Variants in EPHA6 observed in about 807,000 individuals in gnomAD.
EPHA6 encodes EPH receptor A6.
A neutral mutation model predicts 112.0 loss-of-function variants in EPHA6; 50 were observed. That is an observed-to-expected ratio of 0.45 (90% confidence interval 0.36 to 0.56). The LOEUF is 0.56. Ranked by LOEUF, EPHA6 falls within the 20% of genes least tolerant of loss-of-function variation. EPHA6 has a pLI of 0.00. For missense variants in EPHA6, 1,280 were observed against 1,417.4 expected (o/e 0.90, Z 1.56); for synonymous variants, 529 against 490.7 (o/e 1.08, Z -1.03).
At chr3:97,685,610 A>C (rs1442214701) in intron 14 of EPHA6, among the ~76,000 whole-genome samples, 4 of 152,152 alleles carry the variant, frequency 2.6e-5, no homozygotes, top group Non-Finnish European at 4.4e-5. Context: ...GACAAATAGC[A>C]CACTGACTCT....
chr3:97,662,029 C>A (rs1344153361), intron 14 of EPHA6, among the ~76,000 whole-genome samples: 1 of 152,044 alleles, frequency 6.6e-6, no homozygotes, highest in Non-Finnish European at 1.5e-5. Flanking sequence ...TGATTTTGGC[C>A]ACCAACTATC....
intron 5 of EPHA6, among the ~76,000 whole-genome samples, chr3:97,401,159 T>C (rs1013663369): frequency 6.6e-6 from 1 of 151,804 alleles, no homozygotes; most frequent in African/African-American, 2.4e-5. Flanking sequence ...TGCTTTTTTT[T>C]GCATCTGTTG....
intron 10 of EPHA6, among the ~76,000 whole-genome samples, chr3:97,512,894 A>G (rs1177969462): frequency 6.6e-6 from 1 of 152,036 alleles, no homozygotes; most frequent in African/African-American, 2.4e-5. Context: ...TTCCTGACTA[A>G]ATTCCAAAAT....
intron 5 of EPHA6, among the ~76,000 whole-genome samples, chr3:97,398,706 C>G (rs938953041): frequency 6.6e-6 from 1 of 151,404 alleles, no homozygotes; most frequent in African/African-American, 2.4e-5. Context: ...CAAGAGTAGT[C>G]TCTCTGTTTA....
At chr3:97,184,275 A>T (rs1218420887) in intron 3 of EPHA6, among the ~76,000 whole-genome samples, 1 of 152,120 alleles carries the variant, frequency 6.6e-6, no homozygotes, top group African/African-American at 2.4e-5. Context: ...TCCAATCAAC[A>T]GTTTTCATGG....
At chr3:97,093,512 T>G (rs1356842594) in intron 3 of EPHA6, among the ~76,000 whole-genome samples, 1 of 152,006 alleles carries the variant, frequency 6.6e-6, no homozygotes. Context: ...ATCGTGTAAC[T>G]GCACTCCAGC....
intron 13 of EPHA6, among the ~76,000 whole-genome samples, chr3:97,634,396 A>G (rs1312761232): frequency 6.6e-6 from 1 of 151,676 alleles, no homozygotes; most frequent in Non-Finnish European, 1.5e-5. Context: ...TCAAGCCCAC[A>G]TTTTATAAAC....
chr3:97,141,428 AGT>A (rs2075900881), intron 3 of EPHA6, among the ~76,000 whole-genome samples: 1 of 151,964 alleles, frequency 6.6e-6, no homozygotes, highest in African/African-American at 2.4e-5. Flanking sequence ...CCATATGCTT[AGT>A]CATAAAGCAA....
intron 3 of EPHA6, among the ~76,000 whole-genome samples, chr3:97,160,821 G>A (rs925240819): frequency 1.3e-5 from 2 of 152,154 alleles, no homozygotes; most frequent in African/African-American, 4.8e-5. Context: ...CTTCACCAGT[G>A]TTTCAGGGCT....
intron 5 of EPHA6, among the ~76,000 whole-genome samples, chr3:97,256,527 T>C (rs2079320045): frequency 6.6e-6 from 1 of 152,074 alleles, no homozygotes; most frequent in Non-Finnish European, 1.5e-5. Flanking sequence ...AACACTTAGA[T>C]TGTACACTGT....
At chr3:97,473,335 AT>A (rs150975779) in intron 7 of EPHA6, among the ~76,000 whole-genome samples, 11,493 of 151,876 alleles carry the variant, frequency 0.076, 764 homozygotes, top group Admixed American at 0.22. Flanking sequence ...TCCAATTAAA[AT>A]TTTAATTAAA....
chr3:97,538,415 T>C (rs2092792483), intron 11 of EPHA6, among the ~76,000 whole-genome samples: 1 of 151,786 alleles, frequency 6.6e-6, no homozygotes, highest in Non-Finnish European at 1.5e-5. Flanking sequence ...AGAGGGAAAA[T>C]AGTGAATTCT....
intron 3 of EPHA6, among the ~76,000 whole-genome samples, chr3:97,005,010 C>A (rs1007198419): frequency 6.6e-6 from 1 of 152,176 alleles, no homozygotes; most frequent in African/African-American, 2.4e-5. Context: ...GTTTTGGTTA[C>A]TGTAGTCTTG....
At chr3:97,174,092 A>AG (rs1350036210) in intron 3 of EPHA6, among the ~76,000 whole-genome samples, 1 of 132,982 alleles carries the variant, frequency 7.5e-6, no homozygotes, top group Non-Finnish European at 1.6e-5. Context: ...TCATGAGTTC[A>AG]ATTTTTTTTT....
chr3:97,090,786 C>A (rs981509978), intron 3 of EPHA6, among the ~76,000 whole-genome samples: 2 of 151,936 alleles, frequency 1.3e-5, no homozygotes, highest in African/African-American at 2.4e-5. Context: ...AAAATCACCA[C>A]AAGTAAAAAC....
rs116788130 is a variant in EPHA6 at position 97,083,589 on chromosome 3, G to C, written c.1114+95596G>C. On this transcript the variant is annotated intron_variant, in intron 3 of 17. Transcript: ENST00000389672. ...TTTTTATCAAACTATATTGATAAAT[G>C]ATTCCCAGGTCTTTTTTTCTACTCC... is the stretch of plus-strand genomic sequence containing the variant. Among the ~76,000 whole-genome samples, 373 of 151,978 alleles carry C rather than the reference G, an allele frequency of 2.5e-3. 1 individual carries two copies. The highest frequency in any genetic ancestry group is 4.0e-3 in the Non-Finnish European group (269 of 67,860).
chr3:97,692,275 G>A (rs1278379957), intron 14 of EPHA6, among the ~76,000 whole-genome samples: 1 of 151,830 alleles, frequency 6.6e-6, no homozygotes, highest in African/African-American at 2.4e-5. Context: ...AGTTTGTCTG[G>A]GTGAATATAA....
chr3:97,095,493 C>T (rs995061334), intron 3 of EPHA6, among the ~76,000 whole-genome samples: 5 of 151,950 alleles, frequency 3.3e-5, no homozygotes, highest in South Asian at 4.1e-4. Context: ...TGACCATACC[C>T]CCCACCTTCC....
intron 2 of EPHA6, among the ~76,000 whole-genome samples, chr3:96,879,734 A>G (rs2037197604): frequency 6.6e-6 from 1 of 152,078 alleles, no homozygotes; most frequent in Admixed American, 6.6e-5. Flanking sequence ...TTTGTTAAGT[A>G]TATTCCTAGG....
Sources: allele counts gnomAD v4.1 joint callset (sites outside exome capture counted in the v4.1 genomes callset), GRCh38; gene constraint gnomAD v4.1.1; transcripts MANE v1.5; gene names NCBI Gene and HGNC (gene_info 2026-07-23, HGNC 2026-07-21).